DOK6: variants seen among roughly 807,000 people sequenced by gnomAD.
DOK6 encodes the protein docking protein 6, also known as downstream of tyrosine kinase 6.
In DOK6, 22 loss-of-function variants were observed where a neutral mutation model predicts 44.0. The ratio of observed to expected loss-of-function variants is 0.50; its 90% CI spans 0.36 to 0.71. The LOEUF is 0.71. DOK6 is among the 30% of genes least tolerant of loss of function. DOK6 has a pLI of 0.00. For synonymous variants in DOK6, 166 were observed against 145.5 expected, an observed-to-expected ratio of 1.14 and a Z score of -1.01; for missense variants, 340 against 416.4, an observed-to-expected ratio of 0.82 and a Z score of 1.60.
intron 3 of DOK6, among the ~76,000 whole-genome samples, chr18:69,624,694 G>T (rs1984517250): frequency 6.6e-6 from 1 of 152,054 alleles, no homozygotes; most frequent in East Asian, 1.9e-4. Context: ...CATGTGTGGG[G>T]TTATTTTCTA....
intron 1 of DOK6, among the ~76,000 whole-genome samples, chr18:69,534,878 TC>T (rs1435462688): frequency 1.3e-5 from 2 of 152,270 alleles, no homozygotes; most frequent in East Asian, 3.9e-4. Flanking sequence ...CAAGGAATAT[TC>T]CACTTTGATT....
intron 5 of DOK6, among the ~76,000 whole-genome samples, chr18:69,714,087 ACTC>A (rs997310589): frequency 3.3e-5 from 5 of 151,990 alleles, no homozygotes; most frequent in African/African-American, 7.3e-5. Flanking sequence ...TGGTGAGAAA[ACTC>A]CTGGTAAATA....
Position 69,536,130 on chromosome 18 carries a change from G to A in DOK6, c.67-28357G>A, listed in dbSNP as rs1881813315. 1.3e-5 allele frequency among the ~76,000 whole-genome samples: 2 copies of A among 152,090 alleles called. 1 individual carries two copies. The highest frequency in any genetic ancestry group is 4.1e-4 in the South Asian group (2 of 4,832). On this transcript the variant is annotated intron_variant, in intron 1 of 7. Coordinates refer to ENST00000382713, the MANE Select transcript of DOK6 (RefSeq NM_152721.6). ...TCCCTGAGTATAAAGAAAGCATATG[G>A]TCTTGTTCTTCAAGGATATAAGAAA... is the stretch of plus-strand genomic sequence containing the variant.
At chr18:69,612,452 T>C (rs1984175394) in intron 3 of DOK6, among the ~76,000 whole-genome samples, 1 of 146,718 alleles carries the variant, frequency 6.8e-6, no homozygotes, top group Admixed American at 6.7e-5. Context: ...GGCGCATGTG[T>C]GCGAGCGTGC....
intron 1 of DOK6, among the ~76,000 whole-genome samples, chr18:69,553,351 T>C (rs1014460700): frequency 1.3e-5 from 2 of 152,244 alleles, no homozygotes; most frequent in African/African-American, 2.4e-5. Flanking sequence ...ACATAAATCA[T>C]GGCCTTCTGT....
chr18:69,819,209 A>C (rs1031857102), intron 7 of DOK6, among the ~76,000 whole-genome samples: 3 of 152,158 alleles, frequency 2.0e-5, no homozygotes, highest in East Asian at 3.9e-4. Flanking sequence ...AATCCATATC[A>C]GTATCTTAAT....
chr18:69,813,774 G>A lies in DOK6; in HGVS notation c.857-27470G>A, dbSNP rs564330262. On this transcript the variant is annotated intron_variant, in intron 7 of 7. Transcript: ENST00000382713. ...GAGCAAATACACAAACTAGGAATTG[G>A]GCAATCTGGGTTTTAGACCTTACTG... Among the ~76,000 whole-genome samples the A allele has an allele frequency of 1.4e-3, 215 of 152,096 alleles. 4 individuals are homozygous for A. The South Asian group carries it at 0.037, about 26-fold the overall frequency.
At chr18:69,599,631 A>G in intron 3 of DOK6, 133 bp downstream of exon 3, 1 of 644,614 alleles carries the variant, frequency 1.6e-6, no homozygotes, top group Non-Finnish European at 2.6e-6. Flanking sequence ...GACTTCGTTC[A>G]GAAGCTCAAC....
chr18:69,552,399 ATGTT>A (rs1982587643), intron 1 of DOK6, among the ~76,000 whole-genome samples: 1 of 152,056 alleles, frequency 6.6e-6, no homozygotes, highest in Non-Finnish European at 1.5e-5. Context: ...TATATTATCT[ATGTT>A]TGCTCTATAT....
In DOK6 at chr18:69,612,869, G is replaced by T. The variant is rs969452345; in HGVS notation, c.289+13371G>T. On this transcript the variant is annotated intron_variant, in intron 3 of 7. Coordinates refer to ENST00000382713, the MANE Select transcript of DOK6 (RefSeq NM_152721.6). ...TTGGATAATTATTTTTTTCTTTTTT[G>T]CTTTTCTTTCTTTCTTTTTTTTTGC... 1.7e-4 allele frequency among the ~76,000 whole-genome samples: 25 copies of T among 150,612 alleles called. 1 individual carries two copies. Among genetic ancestry groups the T allele is most frequent in the Admixed American group, 4.0e-4 (6 of 15,096 alleles).
chr18:69,401,120 C>A lies in DOK6; in HGVS notation c.-125C>A. The stretch of plus-strand genomic sequence containing the variant: ...CCACCGGCGGGAGCTCGGGGAAGAG[C>A]GGGCGGCGGCGCTGCTGCTGGCGGC... On this transcript the variant is annotated 5_prime_UTR_variant, in exon 1 of 8. Coordinates refer to ENST00000382713, the MANE Select transcript of DOK6 (RefSeq NM_152721.6). The A allele has an allele frequency of 1.1e-6, 1 of 944,396 alleles. No individual in the cohort carries two copies. The highest frequency in any genetic ancestry group is 1.4e-6 in the Non-Finnish European group (1 of 710,256). The allele number at this position is 944,396 out of a possible 1,614,324, so 58.5% of individuals were successfully genotyped here. A position where few individuals can be genotyped will look rare whatever the true frequency, so the allele number is the denominator to read the frequency against.
chr18:69,775,292 AAAG>A (rs1466808893), intron 7 of DOK6, among the ~76,000 whole-genome samples: 1 of 152,010 alleles, frequency 6.6e-6, no homozygotes, highest in Non-Finnish European at 1.5e-5. Flanking sequence ...TTGAACTCAC[AAAG>A]AAGAACTGGA....
chr18:69,419,507 T>C (rs1397283982), intron 1 of DOK6, among the ~76,000 whole-genome samples: 3 of 152,252 alleles, frequency 2.0e-5, no homozygotes, highest in African/African-American at 4.8e-5. Context: ...AAATAGCACC[T>C]AATGCATTTG....
At chr18:69,535,202 AG>A (rs767516726) in intron 1 of DOK6, among the ~76,000 whole-genome samples, 21 of 152,102 alleles carry the variant, frequency 1.4e-4, no homozygotes, top group Non-Finnish European at 2.6e-4. Flanking sequence ...TCATTTCCTT[AG>A]ATCTTTCAAA....
At chr18:69,474,647 A>G (rs1164287600) in intron 1 of DOK6, among the ~76,000 whole-genome samples, 1 of 152,216 alleles carries the variant, frequency 6.6e-6, no homozygotes, top group Non-Finnish European at 1.5e-5. Context: ...ACCAACTTAT[A>G]TAGCACTCCT....
At chr18:69,593,245 A>G (rs1338410484) in intron 2 of DOK6, among the ~76,000 whole-genome samples, 1 of 152,016 alleles carries the variant, frequency 6.6e-6, no homozygotes, top group Non-Finnish European at 1.5e-5. Flanking sequence ...GGTGGCACAC[A>G]CCTGTAGTCC....
intron 1 of DOK6, among the ~76,000 whole-genome samples, chr18:69,405,076 G>A (rs1916176491): frequency 6.6e-6 from 1 of 152,152 alleles, no homozygotes; most frequent in African/African-American, 2.4e-5. Flanking sequence ...TATGAGCTGA[G>A]CACCTATTGA....
chr18:69,620,613 C>T (rs893477522), intron 3 of DOK6, among the ~76,000 whole-genome samples: 1 of 152,160 alleles, frequency 6.6e-6, no homozygotes, highest in African/African-American at 2.4e-5. Context: ...CCATAGCAAT[C>T]CCACCTCATG....
chr18:69,769,160 T>C (rs1003292640), intron 7 of DOK6, among the ~76,000 whole-genome samples: 2 of 152,056 alleles, frequency 1.3e-5, no homozygotes, highest in African/African-American at 4.8e-5. Flanking sequence ...CTCAGTGACA[T>C]AGTATGTCAT....
Sources: allele counts gnomAD v4.1 joint callset (sites outside exome capture counted in the v4.1 genomes callset), GRCh38; gene constraint gnomAD v4.1.1; transcripts MANE v1.5; gene names NCBI Gene and HGNC (gene_info 2026-07-23, HGNC 2026-07-21).